The following CSMD3 variants were observed in gnomAD, a reference collection of about 807,000 sequenced individuals.
CSMD3 encodes the protein CUB and sushi domain-containing protein 3.
Under a neutral mutation model 435.2 loss-of-function variants are expected in CSMD3, and 177 were observed. The ratio of observed to expected loss-of-function variants is 0.41; its 90% confidence interval spans 0.36 to 0.46. The LOEUF (loss-of-function observed/expected upper bound fraction) is 0.46. Ranked by LOEUF, CSMD3 falls within the 20% of genes least tolerant of loss-of-function variation. The pLI is 0.34. For missense variants in CSMD3, 4,265 were observed against 4,504.6 expected, an observed-to-expected ratio of 0.95 and a Z score of 1.52; for synonymous variants, 1,656 against 1,520.5, an observed-to-expected ratio of 1.09 and a Z score of -2.07.
chr8:112,502,297 C>G (rs1043997895), intron 30 of CSMD3, among the ~76,000 whole-genome samples: 1 of 152,232 alleles, frequency 6.6e-6, no homozygotes, highest in Admixed American at 6.5e-5. Flanking sequence ...CAATAAACAG[C>G]CAACACCCCA....
At chr8:113,322,230 A>G (rs1174957607) in intron 1 of CSMD3, among the ~76,000 whole-genome samples, 3 of 152,264 alleles carry the variant, frequency 2.0e-5, no homozygotes, top group Non-Finnish European at 4.4e-5. Context: ...TTACTCATAA[A>G]TTTATTATAT....
chr8:112,896,740 C>T (rs2081960631), intron 10 of CSMD3, among the ~76,000 whole-genome samples: 1 of 151,428 alleles, frequency 6.6e-6, no homozygotes, highest in South Asian at 2.1e-4. Flanking sequence ...ACACTTTCCA[C>T]TTATATTTGG....
At chr8:113,306,636 G>A (rs1186627785) in intron 2 of CSMD3, among the ~76,000 whole-genome samples, 1 of 152,140 alleles carries the variant, frequency 6.6e-6, no homozygotes, top group South Asian at 2.1e-4. Context: ...GTATTAGGAA[G>A]TTCTATGGGA....
chr8:112,371,411 G>A (rs772706300), intron 38 of CSMD3, among the ~76,000 whole-genome samples: 18 of 152,042 alleles, frequency 1.2e-4, no homozygotes, highest in Non-Finnish European at 1.9e-4. Flanking sequence ...GAACCAATGA[G>A]TACTGGGGAG....
intron 22 of CSMD3, among the ~76,000 whole-genome samples, chr8:112,599,066 A>G (rs1466689392): frequency 2.0e-5 from 3 of 149,064 alleles, no homozygotes; most frequent in East Asian, 4.0e-4. Context: ...AGAAACTACC[A>G]TCAGAGTGAA....
At chr8:112,655,292 T>C (rs1418812154) in intron 18 of CSMD3, among the ~76,000 whole-genome samples, 2 of 152,080 alleles carry the variant, frequency 1.3e-5, no homozygotes, top group Non-Finnish European at 2.9e-5. Context: ...ATATAATATC[T>C]GCATTTGAAA....
chr8:112,799,163 T>C (rs551685066), intron 13 of CSMD3, among the ~76,000 whole-genome samples: 21 of 152,008 alleles, frequency 1.4e-4, no homozygotes, highest in African/African-American at 4.3e-4. Context: ...GGCATTTACA[T>C]AGATTTCTTG....
At chr8:113,280,526 T>C (rs2093605960) in intron 2 of CSMD3, among the ~76,000 whole-genome samples, 1 of 151,978 alleles carries the variant, frequency 6.6e-6, no homozygotes, top group Non-Finnish European at 1.5e-5. Flanking sequence ...GTTTCATTTC[T>C]TAGTGAGGTT....
At chr8:113,004,861 AT>A (rs200779254) in intron 6 of CSMD3, among the ~76,000 whole-genome samples, 7,131 of 151,908 alleles carry the variant, frequency 0.047, 225 homozygotes, top group Non-Finnish European at 0.069. Context: ...TAATGATAAA[AT>A]TATAATGCAC....
intron 5 of CSMD3, among the ~76,000 whole-genome samples, chr8:113,051,062 G>A (rs1411844351): frequency 6.6e-6 from 1 of 152,036 alleles, no homozygotes; most frequent in East Asian, 1.9e-4. Context: ...CAACAATTTA[G>A]CGAAGATTCA....
intron 13 of CSMD3, among the ~76,000 whole-genome samples, chr8:112,695,941 G>A (rs1203747639): frequency 1.3e-5 from 2 of 151,838 alleles, no homozygotes; most frequent in Non-Finnish European, 2.9e-5. Flanking sequence ...ACCAATAACA[G>A]ACAGAGAGCC....
At chr8:113,050,339 C>CA in intron 5 of CSMD3, among the ~76,000 whole-genome samples, 1 of 152,068 alleles carries the variant, frequency 6.6e-6, no homozygotes, top group East Asian at 1.9e-4. Flanking sequence ...TTAAACCTAT[C>CA]ACATTTAAGA....
In CSMD3 at chr8:112,335,446, T is replaced by C. The variant is rs1396607679; in HGVS notation, c.7048A>G (p.Ile2350Val). ...GCGGTATTGCCACTGAACTGACCGA[T>C]CTGAGGTGAATTTTGGTCTGGTCCA... ...WDGPDQNSPQ[I>V]GQFSGNTALE... is the part of the protein sequence containing the mutation. The change falls in exon 45 of 71, where the codon ATC (isoleucine) becomes GTC (valine). Residue 2350 changes from isoleucine (I) to valine (V), a missense_variant. Coordinates refer to ENST00000297405, the MANE Select transcript of CSMD3 (RefSeq NM_198123.2). The C allele has an allele frequency of 1.2e-6, 2 of 1,613,894 alleles. No homozygotes were observed. Among genetic ancestry groups the C allele is most frequent in the African/African-American group, 1.3e-5 (1 of 74,908 alleles).
chr8:112,743,392 TTTAA>T (rs1489697825), intron 13 of CSMD3, among the ~76,000 whole-genome samples: 1 of 151,922 alleles, frequency 6.6e-6, no homozygotes, highest in Non-Finnish European at 1.5e-5. Context: ...TCTCATATGT[TTTAA>T]TTAATAGCAA....
chr8:112,500,652 C>T (rs530143619), intron 30 of CSMD3, among the ~76,000 whole-genome samples: 1 of 152,188 alleles, frequency 6.6e-6, no homozygotes, highest in East Asian at 1.9e-4. Context: ...TAAGGTTTTC[C>T]TTTTAATGAA....
At chr8:112,695,579 T>C (rs2076233862) in intron 13 of CSMD3, among the ~76,000 whole-genome samples, 1 of 152,094 alleles carries the variant, frequency 6.6e-6, no homozygotes, top group African/African-American at 2.4e-5. Context: ...ATGGGACGTA[T>C]CTAAAAATAA....
At chr8:112,319,004 TAAAC>T in intron 46 of CSMD3, 54 bp from the exon 47 acceptor site, 6 of 987,082 alleles carry the variant, frequency 6.1e-6, no homozygotes, top group East Asian at 4.8e-5. Flanking sequence ...ATGATAAAAA[TAAAC>T]AAATATTTCA....
intron 10 of CSMD3, among the ~76,000 whole-genome samples, chr8:112,861,118 G>A (rs575489738): frequency 2.0e-4 from 31 of 151,770 alleles, no homozygotes; most frequent in African/African-American, 6.7e-4. Flanking sequence ...TTTCCTCTGT[G>A]GAAACATCTC....
At chr8:112,988,732 T>C (rs1278068015) in intron 6 of CSMD3, among the ~76,000 whole-genome samples, 1 of 152,008 alleles carries the variant, frequency 6.6e-6, no homozygotes, top group Non-Finnish European at 1.5e-5. Context: ...TAATTTTTCA[T>C]GGAGAGTGGA....
Sources: gnomAD v4.1 joint callset for allele counts (sites outside exome capture counted in the v4.1 genomes callset) on GRCh38, gnomAD v4.1.1 for gene constraint, MANE v1.5 for transcripts, NCBI Gene and HGNC (gene_info 2026-07-23, HGNC 2026-07-21) for gene names.